TPT1: variants seen among roughly 807,000 people sequenced by gnomAD.
The protein encoded by TPT1 is tumor protein, translationally-controlled 1.
A neutral mutation model predicts 22.8 loss-of-function variants in TPT1; 5 were observed. The observed-to-expected ratio is 0.22, with a 90% CI of 0.11 to 0.46. TPT1 has a LOEUF of 0.46. Among genes scored for constraint, TPT1 ranks in the 20% least tolerant of loss-of-function variants. The pLI, the probability that TPT1 is intolerant of heterozygous loss-of-function variation, is 0.99. For synonymous variants in TPT1, 89 were observed against 73.6 expected (o/e 1.21, Z -1.07); for missense variants, 130 against 218.7 (o/e 0.59, Z 2.56).
chr13:45,335,604 T>G lies in TPT1; in HGVS notation c.*1782A>C, dbSNP rs1878621309. The stretch of plus-strand genomic sequence containing the variant: ...AAGGCCCTGTAGATGAGACTCACAC[T>G]TTTCATTACAATGTCAAATCAGAAC... On this transcript the variant is annotated 3_prime_UTR_variant, in exon 6 of 6. Coordinates refer to ENST00000530705, the MANE Select transcript of TPT1 (RefSeq NM_003295.4). 6.6e-6 allele frequency: 1 copy of G among 152,156 alleles called. No homozygotes were observed. Among genetic ancestry groups the G allele is most frequent in the Non-Finnish European group, 1.5e-5 (1 of 68,026 alleles). The allele number at this position is 152,156 out of a possible 1,614,324, so 9.4% of individuals were successfully genotyped here.
rs563495647 is a variant in TPT1 at position 45,335,939 on chromosome 13, C to A, written c.*1447G>T. 6.6e-6 allele frequency: 1 copy of A among 152,166 alleles called. No individual in the cohort carries two copies. Among genetic ancestry groups the A allele is most frequent in the African/African-American group, 2.4e-5 (1 of 41,438 alleles). 9.4% of individuals were successfully genotyped at this position (152,166 alleles called of 1,614,324 possible). On this transcript the variant is annotated 3_prime_UTR_variant, in exon 6 of 6. Coordinates refer to ENST00000530705, the MANE Select transcript of TPT1 (RefSeq NM_003295.4). ...AAACCACTACATTCACATGTTCAAG[C>A]AGACCAGAGTCACTGGCCTGCTTTT...
chr13:45,341,142 G>A lies in TPT1; in HGVS notation c.-73C>T. On this transcript the variant is annotated 5_prime_UTR_variant, in exon 1 of 6. Coordinates refer to ENST00000530705, the MANE Select transcript of TPT1 (RefSeq NM_003295.4). ...TGAAACTCGGAGCGAGCGCGGTGCA[G>A]CCGGAGCGGCGCTCGGGGGGAGGGG... 6.3e-7 allele frequency: 1 copy of A among 1,588,182 alleles called. No individual in the cohort carries two copies. Among genetic ancestry groups the A allele is most frequent in the Non-Finnish European group, 8.6e-7 (1 of 1,167,814 alleles).
Position 45,336,149 on chromosome 13 carries a change from T to C in TPT1, c.*1237A>G, listed in dbSNP as rs937697322. The C allele has an allele frequency of 2.6e-5, 4 of 152,128 alleles. No homozygotes were observed. The highest frequency in any genetic ancestry group is 6.6e-5 in the Admixed American group (1 of 15,266). 9.4% of individuals were successfully genotyped at this position (152,128 alleles called of 1,614,324 possible). Reference sequence around the variant, plus strand: ...AAGCGATACTCGGTCTCTACAAAAATTAGCTGGGCATAGGGGTGCATGCCT... The same window carrying C: ...AAGCGATACTCGGTCTCTACAAAAACTAGCTGGGCATAGGGGTGCATGCCT... On this transcript the variant is annotated 3_prime_UTR_variant, in exon 6 of 6. Transcript: ENST00000530705.
At chr13:45,339,827 G>T (rs41289549) in intron 3 of TPT1, 167 bp downstream of exon 3, 1 of 795,392 alleles carries the variant, frequency 1.3e-6, no homozygotes, top group Non-Finnish European at 1.9e-6. Flanking sequence ...GCAGGCTTCA[G>T]TATGCTCATA....
Position 45,337,207 on chromosome 13 carries a change from C to A in TPT1, c.*179G>T. ...TTAAATGCATTTTATTTTTAGACAACCTACATGACATGTTTTTCTTAAAAA... is the reference window on the plus strand; with the variant it reads ...TTAAATGCATTTTATTTTTAGACAAACTACATGACATGTTTTTCTTAAAAA... On this transcript the variant is annotated 3_prime_UTR_variant, in exon 6 of 6. Transcript: ENST00000530705. 3.1e-6 allele frequency: 2 copies of A among 654,482 alleles called. No individual in the cohort carries two copies. Among genetic ancestry groups the A allele is most frequent in the Non-Finnish European group, 2.7e-6 (1 of 373,864 alleles). The allele number at this position is 654,482 out of a possible 1,614,324, so 40.5% of individuals were successfully genotyped here.
rs776089085 is a variant in TPT1, at chr13:45,341,098, C to T, written c.-29G>A. 2.2e-5 allele frequency: 35 copies of T among 1,611,844 alleles called. No homozygotes were observed. In the South Asian group the frequency reaches 3.0e-4, roughly 14 times the overall value. On this transcript the variant is annotated 5_prime_UTR_variant, in exon 1 of 6. Coordinates refer to ENST00000530705, the MANE Select transcript of TPT1 (RefSeq NM_003295.4). Reference sequence around the variant, plus strand: ...GGCGACTGAAGGGAGACGACGACGGCGCTAGCTTAGCACGAGCCTGAAACT... The same window carrying T: ...GGCGACTGAAGGGAGACGACGACGGTGCTAGCTTAGCACGAGCCTGAAACT...
At position 45,340,122 on chromosome 13, in the gene TPT1, T is replaced by G. The variant is rs774956109; in HGVS notation, c.165A>C (p.Glu55Asp). 1 of 1,614,146 alleles carries G rather than the reference T, an allele frequency of 6.2e-7. No individual in the cohort carries two copies. Among genetic ancestry groups the G allele is most frequent in the South Asian group, 1.1e-5 (1 of 91,082 alleles). The change falls in exon 3 of 6, where the codon GAA (glutamate) becomes GAC (aspartate). Residue 55 changes from glutamate (E) to aspartate (D), a missense_variant. Glu to Asp is a conservative substitution (Grantham distance 45). Coordinates refer to ENST00000530705, the MANE Select transcript of TPT1 (RefSeq NM_003295.4). ...DSLIGGNASAEGPEGEGTEST... is the reference protein window; with the variant it reads ...DSLIGGNASADGPEGEGTEST... ...TTTCGGTACCTTCGCCCTCGGGGCC[T>G]TCAGCGGAGGCATTTCCACCAATGA...
rs999953421 is a variant in TPT1, at chr13:45,335,149, G to A, written c.*2237C>T. On this transcript the variant is annotated 3_prime_UTR_variant, in exon 6 of 6. Transcript: ENST00000530705. ...TCACATCCTTATTCTTGCCCAAAAC[G>A]TCTTGACCCTAGGAATAACGAGAAA... 6.6e-6 allele frequency: 1 copy of A among 152,108 alleles called. No individual in the cohort carries two copies. Among genetic ancestry groups the A allele is most frequent in the Admixed American group, 6.6e-5 (1 of 15,264 alleles). 9.4% of individuals were successfully genotyped at this position (152,108 alleles called of 1,614,324 possible).
Position 45,340,342 on chromosome 13 carries a change from A to G in TPT1, c.103-158T>C, listed in dbSNP as rs746402583. 9 of 1,043,722 alleles carry G rather than the reference A, an allele frequency of 8.6e-6. No homozygotes were observed. The South Asian group carries it at 1.2e-4, about 14-fold the overall frequency. The allele number at this position is 1,043,722 out of a possible 1,614,324, so 64.7% of individuals were successfully genotyped here. A position where few individuals can be genotyped will look rare whatever the true frequency, so the allele number is the denominator to read the frequency against. ...AGTTGTGACCCGTGGATTTCTCAAA[A>G]CGACCTAACTTAAAAGAGTTGTCTG... is the stretch of plus-strand genomic sequence containing the variant. On this transcript the variant is annotated intron_variant, in intron 2 of 5. Transcript: ENST00000530705.
Position 45,335,371 on chromosome 13 carries a change from C to G in TPT1, c.*2015G>C, listed in dbSNP as rs1032600284. On this transcript the variant is annotated 3_prime_UTR_variant, in exon 6 of 6. Transcript: ENST00000530705. ...ACTGAAAGGACAACTGGGGAAATAC[C>G]TCTTCTGCAGAACTGAAAATCTTCA... 1.3e-5 allele frequency: 2 copies of G among 152,182 alleles called. No homozygotes were observed. The highest frequency in any genetic ancestry group is 4.8e-5 in the African/African-American group (2 of 41,442). 9.4% of individuals were successfully genotyped at this position (152,182 alleles called of 1,614,324 possible). A position where few individuals can be genotyped will look rare whatever the true frequency, so the allele number is the denominator to read the frequency against.
chr13:45,337,729 T>C (rs201649751), intron 5 of TPT1: 15 of 644,660 alleles, frequency 2.3e-5, no homozygotes, highest in East Asian at 1.6e-4. Context: ...TGGTAAGTCA[T>C]CTTATACTGT....
At chr13:45,339,659 T>G in intron 3 of TPT1, 57 bp from the exon 4 acceptor site, 2 of 1,486,980 alleles carry the variant, frequency 1.3e-6, no homozygotes, top group Non-Finnish European at 1.8e-6. Context: ...AAATCAATTT[T>G]TAAAGTAAAA....
At chr13:45,337,438 A>C in intron 5 of TPT1, 50 bp from the exon 6 acceptor site, 1 of 1,614,164 alleles carries the variant, frequency 6.2e-7, no homozygotes, top group Non-Finnish European at 8.5e-7. Flanking sequence ...ACACTGCAAA[A>C]GTTACATTAC....
At chr13:45,339,848 G>C (rs1878963554) in intron 3 of TPT1, 146 bp downstream of exon 3, 2 of 935,712 alleles carry the variant, frequency 2.1e-6, no homozygotes, top group Non-Finnish European at 1.6e-6. Flanking sequence ...TTATAGAAAA[G>C]CAACCACTCT....
chr13:45,340,810 TC>T, intron 1 of TPT1, 25 bp from the exon 2 acceptor site: 1 of 1,511,540 alleles, frequency 6.6e-7, no homozygotes, highest in Non-Finnish European at 8.8e-7. Flanking sequence ...GAGCCGCCCA[TC>T]ACCGTGCGCC....
At position 45,336,463 on chromosome 13, in the gene TPT1, C is replaced by T. The variant is rs571864362; in HGVS notation, c.*923G>A. The T allele has an allele frequency of 9.2e-5, 14 of 152,310 alleles. No individual in the cohort carries two copies. Among genetic ancestry groups the T allele is most frequent in the African/African-American group, 3.4e-4 (14 of 41,564 alleles). The allele number at this position is 152,310 out of a possible 1,614,324, so 9.4% of individuals were successfully genotyped here. On this transcript the variant is annotated 3_prime_UTR_variant, in exon 6 of 6. Coordinates refer to ENST00000530705, the MANE Select transcript of TPT1 (RefSeq NM_003295.4). The stretch of plus-strand genomic sequence containing the variant: ...ATAGATGCATTTTCTTATTCAGACA[C>T]CCCATCTTTTCAGATACAATATAGA...
chr13:45,340,894 G>A, intron 1 of TPT1, 109 bp from the exon 2 acceptor site: 2 of 1,487,244 alleles, frequency 1.3e-6, no homozygotes, highest in Non-Finnish European at 1.8e-6. Context: ...GCACACCAGA[G>A]CTGGGCGCGA....
At position 45,333,636 on chromosome 13, in the gene TPT1, CT is replaced by C. The variant is rs1566172981; in HGVS notation, c.*3749del. On this transcript the variant is annotated 3_prime_UTR_variant, in exon 6 of 6. Coordinates refer to ENST00000530705, the MANE Select transcript of TPT1 (RefSeq NM_003295.4). ...GTCATTTAACTAGATTTTGAAACTCCTAATGATCCAAATGAGTAATTCACAC... is the reference window on the plus strand; with the variant it reads ...GTCATTTAACTAGATTTTGAAACTCCAATGATCCAAATGAGTAATTCACAC... 1 of 152,184 alleles carries C rather than the reference CT, an allele frequency of 6.6e-6. No individual in the cohort carries two copies. Among genetic ancestry groups the C allele is most frequent in the African/African-American group, 2.4e-5 (1 of 41,452 alleles). 9.4% of individuals were successfully genotyped at this position (152,184 alleles called of 1,614,324 possible). A position where few individuals can be genotyped will look rare whatever the true frequency, so the allele number is the denominator to read the frequency against.
rs1357739384 is a variant in TPT1, at chr13:45,335,263, A to G, written c.*2123T>C. The G allele has an allele frequency of 6.6e-6, 1 of 152,236 alleles. No individual in the cohort carries two copies. 9.4% of individuals were successfully genotyped at this position (152,236 alleles called of 1,614,324 possible). On this transcript the variant is annotated 3_prime_UTR_variant, in exon 6 of 6. Transcript: ENST00000530705. ...ACCATGAGGTAAACAGCTGGGGTTC[A>G]TCACTTCTGACTTAAATAGACATGA...
Sources: gnomAD v4.1 joint callset for allele counts on GRCh38, gnomAD v4.1.1 for gene constraint, MANE v1.5 for transcripts, NCBI Gene and HGNC (gene_info 2026-07-23, HGNC 2026-07-21) for gene names.